NXN: variants seen among roughly 807,000 people sequenced by gnomAD.
The protein encoded by NXN is nucleoredoxin, also known as nucleoredoxin 1.
NXN carries 16 observed loss-of-function variants against 48.6 expected under a neutral mutation model. The observed-to-expected ratio is 0.33, with a 90% CI of 0.22 to 0.50. The LOEUF (loss-of-function observed/expected upper bound fraction) is 0.50, where lower values mean the gene tolerates loss of function less well. Among genes scored for constraint, NXN ranks in the 20% least tolerant of loss-of-function variants. The pLI is 0.98. For missense variants in NXN, 492 were observed against 605.5 expected (o/e 0.81, Z 1.97); for synonymous variants, 281 against 269.6 (o/e 1.04, Z -0.41).
chr17:861,794 T>TA lies in NXN; in HGVS notation c.361-35717dup, dbSNP rs958327200. On this transcript the variant is annotated intron_variant, in intron 1 of 7. Transcript: ENST00000336868. ...TTAATCCATGAGTCTGAAATGATAC[T>TA]AAAAAATGGAGTGGAAGAACATGAG... Among the ~76,000 whole-genome samples the TA allele has an allele frequency of 1.1e-4, 16 of 152,140 alleles. No individual in the cohort carries two copies. In the East Asian group the frequency reaches 1.5e-3, roughly 15 times the overall value.
intron 1 of NXN, among the ~76,000 whole-genome samples, chr17:894,881 TGCATG>T (rs2068459537): frequency 6.6e-6 from 1 of 152,132 alleles, no homozygotes; most frequent in Non-Finnish European, 1.5e-5. Flanking sequence ...TTCAGGCATT[TGCATG>T]GCTGAAACGT....
At chr17:929,805 A>T (rs1012475480) in intron 1 of NXN, 1 of 103,244 alleles carries the variant, frequency 9.7e-6, no homozygotes, top group East Asian at 3.4e-4. Context: ...TAATCTTCTT[A>T]AAAAAAACTG....
intron 1 of NXN, among the ~76,000 whole-genome samples, chr17:918,198 A>G (rs1305193432): frequency 3.9e-5 from 6 of 152,214 alleles, no homozygotes; most frequent in Non-Finnish European, 8.8e-5. Flanking sequence ...TAATCAAACA[A>G]TCACAAACCA....
chr17:887,867 G>A (rs930239726), intron 1 of NXN, among the ~76,000 whole-genome samples: 6 of 152,308 alleles, frequency 3.9e-5, no homozygotes, highest in Admixed American at 2.0e-4. Context: ...AGGCAAGGAC[G>A]TGGGCTTCAG....
chr17:835,566 G>C (rs1029003666), intron 1 of NXN, among the ~76,000 whole-genome samples: 7 of 152,182 alleles, frequency 4.6e-5, no homozygotes, highest in African/African-American at 1.7e-4. Flanking sequence ...ACTATCCTAG[G>C]AATGCAGGCC....
chr17:841,774 GC>G (rs1199210683), intron 1 of NXN, among the ~76,000 whole-genome samples: 1 of 151,794 alleles, frequency 6.6e-6, no homozygotes, highest in Non-Finnish European at 1.5e-5. Flanking sequence ...GGCTCTGGGT[GC>G]GGCAAAGGCA....
intron 1 of NXN, among the ~76,000 whole-genome samples, chr17:841,522 CCCCCGACCA>C (rs1567827738): frequency 9.8e-5 from 11 of 112,310 alleles, no homozygotes; most frequent in East Asian, 7.6e-4. Flanking sequence ...CGAGCAGGTC[CCCCCGACCA>C]TGGAGCATCT....
At chr17:976,555 C>T (rs1370460283) in intron 1 of NXN, among the ~76,000 whole-genome samples, 3 of 152,094 alleles carry the variant, frequency 2.0e-5, no homozygotes, top group Non-Finnish European at 4.4e-5. Context: ...TTATCATTGG[C>T]GAAATGACAC....
chr17:907,397 T>C (rs2144912485), intron 1 of NXN, among the ~76,000 whole-genome samples: 1 of 151,688 alleles, frequency 6.6e-6, no homozygotes, highest in East Asian at 1.9e-4. Context: ...TGGAGTGCAC[T>C]GGAGTGATCT....
At chr17:951,389 T>C (rs1487356730) in intron 1 of NXN, among the ~76,000 whole-genome samples, 2 of 151,082 alleles carry the variant, frequency 1.3e-5, no homozygotes, top group Middle Eastern at 3.2e-3. Context: ...TCTTTAGAAC[T>C]TTCTAACACA....
rs1322700285 is a variant in NXN, at chr17:828,542, C to T, written c.361-2464G>A. ...TCAGCCTCCCGAGTAGCTGGGATTA[C>T]AGGCACCCACCTCCACGTCCAGCTA... On this transcript the variant is annotated intron_variant, in intron 1 of 7. Coordinates refer to ENST00000336868, the MANE Select transcript of NXN (RefSeq NM_022463.5). 1.8e-4 allele frequency among the ~76,000 whole-genome samples: 28 copies of T among 151,502 alleles called. No homozygotes were observed. The Admixed American group carries it at 1.8e-3, about 10-fold the overall frequency.
chr17:876,185 A>G (rs1293320729), intron 1 of NXN, among the ~76,000 whole-genome samples: 13 of 147,426 alleles, frequency 8.8e-5, no homozygotes, highest in Non-Finnish European at 1.6e-4. Flanking sequence ...CCATCAGAAA[A>G]GAAAGAAAAA....
intron 1 of NXN, among the ~76,000 whole-genome samples, chr17:911,744 G>C (rs1281952218): frequency 6.7e-6 from 1 of 149,776 alleles, no homozygotes; most frequent in Non-Finnish European, 1.5e-5. Flanking sequence ...GGGATTACAG[G>C]TGTGAGCCAC....
intron 1 of NXN, among the ~76,000 whole-genome samples, chr17:845,888 C>A (rs2067854525): frequency 6.6e-6 from 1 of 151,912 alleles, no homozygotes; most frequent in Admixed American, 6.5e-5. Flanking sequence ...CATGGCAAAA[C>A]CCCGTCTCTA....
At chr17:812,182 C>G (rs1912090723) in intron 5 of NXN, among the ~76,000 whole-genome samples, 1 of 151,954 alleles carries the variant, frequency 6.6e-6, no homozygotes, top group Non-Finnish European at 1.5e-5. Context: ...CCGCCTCGGC[C>G]TCCCAAAGTG....
At chr17:874,386 C>T (rs2068192226) in intron 1 of NXN, among the ~76,000 whole-genome samples, 1 of 152,148 alleles carries the variant, frequency 6.6e-6, no homozygotes, top group Non-Finnish European at 1.5e-5. Flanking sequence ...GAGTTTGAGA[C>T]CAGCCTGGCC....
At chr17:853,721 A>ATTTT (rs762003466) in intron 1 of NXN, among the ~76,000 whole-genome samples, 2,188 of 104,984 alleles carry the variant, frequency 0.021, 71 homozygotes, top group African/African-American at 0.098. Flanking sequence ...ATATATATAT[A>ATTTT]TATTTTTTTT....
chr17:869,218 C>G (rs1269819109), intron 1 of NXN, among the ~76,000 whole-genome samples: 1 of 152,164 alleles, frequency 6.6e-6, no homozygotes, highest in African/African-American at 2.4e-5. Context: ...CTGTAAAGGG[C>G]AGGCAGCCCT....
Position 849,598 on chromosome 17 carries a change from C to T in NXN, c.361-23520G>A, listed in dbSNP as rs1030173394. 2.6e-5 allele frequency among the ~76,000 whole-genome samples: 4 copies of T among 152,184 alleles called. No homozygotes were observed. Among genetic ancestry groups the T allele is most frequent in the African/African-American group, 9.7e-5 (4 of 41,448 alleles). ...GGCACCGCACTGGCCCTCTCAGCCT[C>T]AGGGGCCGCTGGACTCCCTCTTCCC... On this transcript the variant is annotated intron_variant, in intron 1 of 7. Transcript: ENST00000336868. This position sits in a 1 kb window ranked among gnomAD's most constrained non-coding sequence, Gnocchi z 4.2.
Sources: gnomAD v4.1 joint callset for allele counts (sites outside exome capture counted in the v4.1 genomes callset) on GRCh38, gnomAD v4.1.1 for gene constraint, Gnocchi (gnomAD v3.1) non-coding constraint, MANE v1.5 for transcripts, NCBI Gene and HGNC (gene_info 2026-07-23, HGNC 2026-07-21) for gene names.